The following PAAF1 variants were observed in gnomAD, a reference collection of about 807,000 sequenced individuals.
PAAF1 encodes proteasomal ATPase associated factor 1.
In PAAF1, 46 loss-of-function variants were observed where a neutral mutation model predicts 52.8. The ratio of observed to expected loss-of-function variants is 0.87; its 90% CI spans 0.69 to 1.11. PAAF1 has a LOEUF of 1.11. Ranked by LOEUF, PAAF1 falls within the 50% of genes most tolerant of loss-of-function variation. The pLI is 0.00. For synonymous variants in PAAF1, 178 were observed against 172.8 expected, an observed-to-expected ratio of 1.03 and a Z score of -0.24; for missense variants, 424 against 477.4, an observed-to-expected ratio of 0.89 and a Z score of 1.04.
chr11:73,884,952 C>T (rs1451286662), intron 2 of PAAF1, among the ~76,000 whole-genome samples: 3 of 150,574 alleles, frequency 2.0e-5, no homozygotes, highest in Non-Finnish European at 4.5e-5. Context: ...TTCCGCCTCC[C>T]GGGTTCACGC....
chr11:73,893,812 A>G (rs564368978), intron 4 of PAAF1, among the ~76,000 whole-genome samples: 8 of 151,866 alleles, frequency 5.3e-5, no homozygotes, highest in Admixed American at 2.0e-4. Context: ...TAATCCCAGC[A>G]CTTAGGGAGA....
At chr11:73,897,030 T>C in intron 4 of PAAF1, among the ~76,000 whole-genome samples, 1 of 124,728 alleles carries the variant, frequency 8.0e-6, no homozygotes, top group East Asian at 2.5e-4. Context: ...GCAGAGGGGC[T>C]CCTCACTTCC....
rs921649086 is a variant in PAAF1 at position 73,895,799 on chromosome 11, T to G, written c.283-3347T>G. 2.6e-5 allele frequency among the ~76,000 whole-genome samples: 4 copies of G among 152,194 alleles called. No homozygotes were observed. In the South Asian group the frequency reaches 6.2e-4, roughly 24 times the overall value. On this transcript the variant is annotated intron_variant, in intron 4 of 11. Coordinates refer to ENST00000310571, the MANE Select transcript of PAAF1 (RefSeq NM_025155.3). ...GATAATGGCTTATGCATGAAGTGAT[T>G]GCTGATACTGAAATTACAAAAGTGA...
chr11:73,924,705 CCTGAGA>C lies in PAAF1; in HGVS notation c.1101+10_1101+15del. On this transcript the variant is annotated intron_variant, in intron 11 of 11. Coordinates refer to ENST00000310571, the MANE Select transcript of PAAF1 (RefSeq NM_025155.3). ...TGTGACCCTGTGTACAAGGTACAGG[CCTGAGA>C]CGACACCAGACCTGGGTGATTCTCA... is the stretch of plus-strand genomic sequence containing the variant. 6.2e-7 allele frequency: 1 copy of C among 1,609,292 alleles called. No individual in the cohort carries two copies. The highest frequency in any genetic ancestry group is 8.5e-7 in the Non-Finnish European group (1 of 1,175,732).
At chr11:73,902,614 A>G (rs558709663) in intron 6 of PAAF1, among the ~76,000 whole-genome samples, 1 of 152,206 alleles carries the variant, frequency 6.6e-6, no homozygotes, top group African/African-American at 2.4e-5. Context: ...ACAGAATCCT[A>G]AGTCTCCCAA....
intron 9 of PAAF1, among the ~76,000 whole-genome samples, chr11:73,918,682 A>G (rs538349523): frequency 1.3e-5 from 2 of 152,062 alleles, no homozygotes; most frequent in Non-Finnish European, 2.9e-5. Flanking sequence ...ACATACTGCT[A>G]ATATTGTTAT....
intron 2 of PAAF1, 120 bp from the exon 3 acceptor site, chr11:73,887,234 T>C: frequency 1.6e-6 from 1 of 634,078 alleles, no homozygotes; most frequent in East Asian, 3.0e-5. Flanking sequence ...GCACCTGTTT[T>C]TCTTTCGTGG....
At chr11:73,890,979 G>A (rs1280905063) in intron 3 of PAAF1, 133 bp from the exon 4 acceptor site, 5 of 605,390 alleles carry the variant, frequency 8.3e-6, no homozygotes, top group Non-Finnish European at 1.5e-5. Flanking sequence ...TGTGGGGTGG[G>A]AAAGGAGAAC....
At chr11:73,920,147 C>T (rs1469035263) in intron 10 of PAAF1, among the ~76,000 whole-genome samples, 1 of 152,056 alleles carries the variant, frequency 6.6e-6, no homozygotes, top group East Asian at 1.9e-4. Context: ...TGATTAAGGG[C>T]ATATGGGAAC....
chr11:73,921,529 T>G, intron 10 of PAAF1: 1 of 524,260 alleles, frequency 1.9e-6, no homozygotes, highest in East Asian at 5.3e-5. Context: ...TGATCAAGAG[T>G]TTTTCAAGTA....
rs1950395656 is a variant in PAAF1 at position 73,927,510 on chromosome 11, G to A, written c.*148G>A. Reference sequence around the variant, plus strand: ...ACAGAAAGTCAGCTGTACTGGCCGTGTGGAACTCTCATCCCAAGACCTACT... The same window carrying A: ...ACAGAAAGTCAGCTGTACTGGCCGTATGGAACTCTCATCCCAAGACCTACT... On this transcript the variant is annotated 3_prime_UTR_variant, in exon 12 of 12. Transcript: ENST00000310571. 4.5e-6 allele frequency: 3 copies of A among 673,330 alleles called. No individual in the cohort carries two copies. In the South Asian group the frequency reaches 5.4e-5, roughly 12 times the overall value. 41.7% of individuals were successfully genotyped at this position (673,330 alleles called of 1,614,324 possible). A position where few individuals can be genotyped will look rare whatever the true frequency, so the allele number is the denominator to read the frequency against.
intron 7 of PAAF1, among the ~76,000 whole-genome samples, chr11:73,913,747 T>G (rs910052552): frequency 2.0e-5 from 3 of 152,078 alleles, no homozygotes; most frequent in African/African-American, 7.2e-5. Context: ...TAGTAGGCCC[T>G]AAAGAAATAT....
intron 10 of PAAF1, among the ~76,000 whole-genome samples, chr11:73,920,130 C>G (rs1950171326): frequency 6.6e-6 from 1 of 152,002 alleles, no homozygotes; most frequent in Admixed American, 6.6e-5. Context: ...TTGGGAAAAC[C>G]TGAAACTGAT....
At chr11:73,888,608 T>C (rs1949122569) in intron 3 of PAAF1, among the ~76,000 whole-genome samples, 1 of 152,236 alleles carries the variant, frequency 6.6e-6, no homozygotes, top group African/African-American at 2.4e-5. Context: ...TTGGGTATAC[T>C]GACAAGAATA....
At chr11:73,888,796 G>T in intron 3 of PAAF1, 1 of 333,156 alleles carries the variant, frequency 3.0e-6, no homozygotes, top group Non-Finnish European at 5.4e-6. Context: ...TATTAGCTGT[G>T]TGATTTTGGA....
chr11:73,926,200 A>T (rs1950351875), intron 11 of PAAF1, among the ~76,000 whole-genome samples: 1 of 151,928 alleles, frequency 6.6e-6, no homozygotes, highest in South Asian at 2.1e-4. Flanking sequence ...TCCGCCTCCC[A>T]GGTTCAAGCG....
intron 4 of PAAF1, among the ~76,000 whole-genome samples, chr11:73,891,478 A>G (rs1379792047): frequency 2.6e-5 from 4 of 152,190 alleles, no homozygotes; most frequent in African/African-American, 4.8e-5. Flanking sequence ...AGATAATGAT[A>G]TAATACTTGA....
chr11:73,897,323 G>A lies in PAAF1; in HGVS notation c.283-1823G>A, dbSNP rs369849740. Among the ~76,000 whole-genome samples, 223 of 152,004 alleles carry A rather than the reference G, an allele frequency of 1.5e-3. 5 individuals carry two copies. In the East Asian group the frequency reaches 0.04, roughly 27 times the overall value. ...CCCTCCCGGACGAGGTGGCTGCCAG[G>A]CGGAGACGCTCCTCACTTCCCAGAC... On this transcript the variant is annotated intron_variant, in intron 4 of 11. Transcript: ENST00000310571.
At position 73,918,800 on chromosome 11, in the gene PAAF1, G is replaced by T. The variant is rs1259601530; in HGVS notation, c.936-150G>T. ...GAATTACCTTAATCTGCCAGTTAAG[G>T]TTCTTGCCAGGAAAGAAACCATAGA... On this transcript the variant is annotated intron_variant, in intron 9 of 11. Coordinates refer to ENST00000310571, the MANE Select transcript of PAAF1 (RefSeq NM_025155.3). 1.4e-5 allele frequency: 9 copies of T among 644,320 alleles called. 1 individual carries two copies. The allele number at this position is 644,320 out of a possible 1,614,324, so 39.9% of individuals were successfully genotyped here. A position where few individuals can be genotyped will look rare whatever the true frequency, so the allele number is the denominator to read the frequency against.
Sources: allele counts gnomAD v4.1 joint callset (sites outside exome capture counted in the v4.1 genomes callset), GRCh38; gene constraint gnomAD v4.1.1; transcripts MANE v1.5; gene names NCBI Gene and HGNC (gene_info 2026-07-23, HGNC 2026-07-21).